Variants in PRMT8 observed in about 807,000 individuals in gnomAD.
PRMT8 encodes the protein protein arginine N-methyltransferase 8.
PRMT8 carries 7 observed loss-of-function variants against 47.1 expected under a neutral mutation model. The ratio of observed to expected loss-of-function variants is 0.15; its 90% confidence interval spans 0.08 to 0.28. PRMT8 has a LOEUF of 0.28. Among genes scored for constraint, PRMT8 ranks in the 10% least tolerant of loss-of-function variants. The pLI is 1.00. For synonymous variants in PRMT8, 188 were observed against 186.5 expected, an observed-to-expected ratio of 1.01 and a Z score of -0.07; for missense variants, 237 against 505.4, an observed-to-expected ratio of 0.47 and a Z score of 5.09.
At chr12:3,497,134 G>T (rs1865522736) in intron 1 of PRMT8, among the ~76,000 whole-genome samples, 1 of 152,164 alleles carries the variant, frequency 6.6e-6, no homozygotes, top group Admixed American at 6.5e-5. Context: ...AGTCTACTCT[G>T]CCAGCAGGGG....
intron 1 of PRMT8, among the ~76,000 whole-genome samples, chr12:3,465,509 A>G (rs976385872): frequency 3.9e-5 from 6 of 151,934 alleles, no homozygotes; most frequent in African/African-American, 4.8e-5. Flanking sequence ...AGGAAATCTG[A>G]TGAGTGCCTG....
intron 1 of PRMT8, among the ~76,000 whole-genome samples, chr12:3,461,253 C>A (rs941611040): frequency 1.3e-5 from 2 of 152,180 alleles, no homozygotes; most frequent in Non-Finnish European, 2.9e-5. Context: ...GCAGCTCTTA[C>A]AACCCTTGAT....
At chr12:3,560,636 C>A (rs916122217) in intron 4 of PRMT8, among the ~76,000 whole-genome samples, 1 of 152,204 alleles carries the variant, frequency 6.6e-6, no homozygotes, top group African/African-American at 2.4e-5. Context: ...AAATGTATAA[C>A]CCGTTTACTT....
At chr12:3,405,362 G>A (rs79557042) in intron 1 of PRMT8, among the ~76,000 whole-genome samples, 3 of 152,126 alleles carry the variant, frequency 2.0e-5, no homozygotes, top group Admixed American at 1.3e-4. Flanking sequence ...AGATTTGGGT[G>A]GGGACACAGC....
intron 1 of PRMT8, among the ~76,000 whole-genome samples, chr12:3,483,119 A>G (rs1339054619): frequency 6.6e-6 from 1 of 152,152 alleles, no homozygotes; most frequent in African/African-American, 2.4e-5. Context: ...GTAACCATGT[A>G]ACTAATGCCT....
intron 1 of PRMT8, among the ~76,000 whole-genome samples, chr12:3,408,038 T>C (rs1864389948): frequency 6.6e-6 from 1 of 152,078 alleles, no homozygotes; most frequent in Non-Finnish European, 1.5e-5. Flanking sequence ...ATGAATTGTT[T>C]CCTTGATTTT....
At chr12:3,455,300 G>A (rs1320131380) in intron 1 of PRMT8, among the ~76,000 whole-genome samples, 1 of 152,138 alleles carries the variant, frequency 6.6e-6, no homozygotes, top group Non-Finnish European at 1.5e-5. Flanking sequence ...ATTAATTTTC[G>A]CACCCTTTGT....
At chr12:3,447,065 G>A (rs1207892482) in intron 1 of PRMT8, among the ~76,000 whole-genome samples, 1 of 152,080 alleles carries the variant, frequency 6.6e-6, no homozygotes. Flanking sequence ...AGCTCCCAGG[G>A]ACCTGTTCAC....
chr12:3,550,381 G>A lies in PRMT8; in HGVS notation c.417+290G>A. 2.9e-6 allele frequency: 1 copy of A among 342,100 alleles called. No individual in the cohort carries two copies. Among genetic ancestry groups the A allele is most frequent in the African/African-American group, 2.0e-5 (1 of 49,782 alleles). 21.2% of individuals were successfully genotyped at this position (342,100 alleles called of 1,614,324 possible). A position where few individuals can be genotyped will look rare whatever the true frequency, so the allele number is the denominator to read the frequency against. Reference sequence around the variant, plus strand: ...CTTTCAGTGCTTAGCCCCAAGGTCAGCTTCAGAGGCAGTGCAGGTGGTTAC... The same window carrying A: ...CTTTCAGTGCTTAGCCCCAAGGTCAACTTCAGAGGCAGTGCAGGTGGTTAC... On this transcript the variant is annotated intron_variant, in intron 3 of 9. Transcript: ENST00000382622. This position sits in a 1 kb window ranked among gnomAD's most constrained non-coding sequence, Gnocchi z 5.1.
intron 1 of PRMT8, among the ~76,000 whole-genome samples, chr12:3,530,473 G>A (rs1351882198): frequency 6.6e-6 from 1 of 152,126 alleles, no homozygotes; most frequent in Non-Finnish European, 1.5e-5. Context: ...AAATAAATAG[G>A]AACATAGCCC....
At chr12:3,559,832 T>A (rs1591602435) in intron 4 of PRMT8, among the ~76,000 whole-genome samples, 1 of 152,176 alleles carries the variant, frequency 6.6e-6, no homozygotes, top group African/African-American at 2.4e-5. Flanking sequence ...CGTTGTGGCA[T>A]CCGCACCCCT....
At chr12:3,568,920 T>C (rs1209040477) in intron 5 of PRMT8, 72 bp downstream of exon 5, 6 of 1,588,036 alleles carry the variant, frequency 3.8e-6, no homozygotes, top group Admixed American at 3.4e-5. Context: ...GCCTGCAGCC[T>C]AGGAGGCATA....
At chr12:3,474,108 C>T (rs1865185922) in intron 1 of PRMT8, among the ~76,000 whole-genome samples, 1 of 152,198 alleles carries the variant, frequency 6.6e-6, no homozygotes, top group Admixed American at 6.5e-5. Context: ...CCCTGCCCTC[C>T]TCCAGCTTGA....
intron 1 of PRMT8, among the ~76,000 whole-genome samples, chr12:3,460,671 C>T (rs993777630): frequency 3.9e-5 from 6 of 152,070 alleles, no homozygotes; most frequent in African/African-American, 7.2e-5. Context: ...TTTTACAGAG[C>T]GAGGAAATTA....
At chr12:3,421,903 G>A (rs1187773441) in intron 1 of PRMT8, among the ~76,000 whole-genome samples, 4 of 152,222 alleles carry the variant, frequency 2.6e-5, no homozygotes. Context: ...CTGCTGCAGG[G>A]AAACTCACCA....
chr12:3,460,149 C>T (rs571947099), intron 1 of PRMT8, among the ~76,000 whole-genome samples: 1 of 152,140 alleles, frequency 6.6e-6, no homozygotes, highest in African/African-American at 2.4e-5. Context: ...TACACATAAG[C>T]GAACTAAGAC....
At chr12:3,553,345 C>T in intron 3 of PRMT8, 1 of 451,288 alleles carries the variant, frequency 2.2e-6, no homozygotes, top group East Asian at 3.8e-5. Flanking sequence ...TCCTGCCATT[C>T]TCTGCTGGCC....
chr12:3,450,517 G>C (rs991798261), intron 1 of PRMT8, among the ~76,000 whole-genome samples: 49 of 152,112 alleles, frequency 3.2e-4, no homozygotes, highest in African/African-American at 1.1e-3. Flanking sequence ...TTGTATCATT[G>C]GTCAAATTAC....
chr12:3,546,633 T>C (rs1042097308), intron 2 of PRMT8, among the ~76,000 whole-genome samples: 13 of 152,166 alleles, frequency 8.5e-5, no homozygotes, highest in African/African-American at 2.9e-4. Context: ...ATAAAATGCA[T>C]TGAAAGCTAA....
Sources: gnomAD v4.1 joint callset for allele counts (sites outside exome capture counted in the v4.1 genomes callset) on GRCh38, gnomAD v4.1.1 for gene constraint, Gnocchi (gnomAD v3.1) non-coding constraint, MANE v1.5 for transcripts, NCBI Gene and HGNC (gene_info 2026-07-23, HGNC 2026-07-21) for gene names.